Variants in HACE1 observed in about 807,000 individuals in gnomAD.
HACE1 encodes HECT domain and ankyrin repeat containing E3 ubiquitin protein ligase 1, also known as E3 ubiquitin-protein ligase HACE1.
A neutral mutation model predicts 118.4 loss-of-function variants in HACE1; 73 were observed. The observed-to-expected ratio is 0.62, with a 90% CI of 0.51 to 0.75. The LOEUF (loss-of-function observed/expected upper bound fraction) is 0.75. Among genes scored for constraint, HACE1 ranks in the 30% least tolerant of loss-of-function variants. The pLI is 0.00. For missense variants in HACE1, 749 were observed against 1,102.2 expected (o/e 0.68, Z 4.54); for synonymous variants, 368 against 374.8 (o/e 0.98, Z 0.21).
At chr6:104,796,465 G>A (rs1021859276) in intron 9 of HACE1, among the ~76,000 whole-genome samples, 190 bp downstream of exon 9, 2 of 152,052 alleles carry the variant, frequency 1.3e-5, no homozygotes, top group Non-Finnish European at 2.9e-5. Flanking sequence ...GATTTATATG[G>A]CCAAATATTA....
At chr6:104,739,563 A>G (rs374211128) in intron 22 of HACE1, among the ~76,000 whole-genome samples, 17 of 152,080 alleles carry the variant, frequency 1.1e-4, no homozygotes, top group African/African-American at 3.6e-4. Flanking sequence ...ATCAAAAGAG[A>G]CAAAGAAGGC....
At chr6:104,807,698 CA>C (rs1261784043) in intron 7 of HACE1, among the ~76,000 whole-genome samples, 1 of 151,426 alleles carries the variant, frequency 6.6e-6, no homozygotes, top group Non-Finnish European at 1.5e-5. Context: ...GTAAAGATGG[CA>C]GGGGGAAAAA....
At chr6:104,778,806 C>A in intron 14 of HACE1, among the ~76,000 whole-genome samples, 1 of 151,186 alleles carries the variant, frequency 6.6e-6, no homozygotes, top group African/African-American at 2.4e-5. Context: ...GAGACCTTAT[C>A]TCTACAAAAA....
At chr6:104,771,080 T>A in intron 19 of HACE1, 113 bp downstream of exon 19, 1 of 749,582 alleles carries the variant, frequency 1.3e-6, no homozygotes, top group South Asian at 1.5e-5. Flanking sequence ...TTATCTGCTA[T>A]GATACTGTAA....
intron 6 of HACE1, among the ~76,000 whole-genome samples, chr6:104,821,161 G>A (rs1772671850): frequency 6.6e-6 from 1 of 152,092 alleles, no homozygotes; most frequent in South Asian, 2.1e-4. Context: ...ATACAGAGGG[G>A]AACAATATAC....
intron 2 of HACE1, 70 bp from the exon 3 acceptor site, chr6:104,851,066 A>C: frequency 1.2e-6 from 1 of 865,896 alleles, no homozygotes; most frequent in Non-Finnish European, 2.0e-6. Flanking sequence ...TCAAGTTAAC[A>C]ACTCTTTAGC....
Position 104,839,315 on chromosome 6 carries a change from C to T in HACE1, c.402+3908G>A, listed in dbSNP as rs1562486211. Among the ~76,000 whole-genome samples the T allele has an allele frequency of 2.0e-5, 3 of 152,272 alleles. No homozygotes were observed. The East Asian group carries it at 5.8e-4, about 29-fold the overall frequency. On this transcript the variant is annotated intron_variant, in intron 5 of 23. Coordinates refer to ENST00000262903, the MANE Select transcript of HACE1 (RefSeq NM_020771.4). ...AACAGTCCAACAAATGGTGGTATATCCACTACTGGATGGAATACTATTCAG... is the reference window on the plus strand; with the variant it reads ...AACAGTCCAACAAATGGTGGTATATTCACTACTGGATGGAATACTATTCAG...
chr6:104,827,266 T>C (rs1773432367), intron 6 of HACE1, among the ~76,000 whole-genome samples: 1 of 152,122 alleles, frequency 6.6e-6, no homozygotes, highest in African/African-American at 2.4e-5. Flanking sequence ...AAAATCAAAG[T>C]TGTGGTATTA....
At chr6:104,802,464 GAAGTA>G (rs1770487845) in intron 7 of HACE1, among the ~76,000 whole-genome samples, 1 of 152,088 alleles carries the variant, frequency 6.6e-6, no homozygotes, top group African/African-American at 2.4e-5. Context: ...CACATAATTC[GAAGTA>G]AAGCACTCCT....
At chr6:104,857,320 C>T (rs1200868222) in intron 1 of HACE1, among the ~76,000 whole-genome samples, 2 of 151,260 alleles carry the variant, frequency 1.3e-5, no homozygotes, top group South Asian at 2.1e-4. Flanking sequence ...ACAAAATGAA[C>T]ATTATAATCA....
chr6:104,746,063 A>T (rs1234319916), intron 20 of HACE1, among the ~76,000 whole-genome samples: 1 of 152,214 alleles, frequency 6.6e-6, no homozygotes, highest in African/African-American at 2.4e-5. Flanking sequence ...ACTGTTAAAC[A>T]GTACCAGTCT....
chr6:104,859,544 C>G (rs752962055), intron 1 of HACE1, 23 bp downstream of exon 1: 33 of 1,504,262 alleles, frequency 2.2e-5, no homozygotes, highest in African/African-American at 2.9e-5. Flanking sequence ...CCGCGGCCAG[C>G]CTGGCCCCGC....
intron 1 of HACE1, among the ~76,000 whole-genome samples, chr6:104,856,680 C>G (rs1776752297): frequency 6.6e-6 from 1 of 152,166 alleles, no homozygotes; most frequent in Non-Finnish European, 1.5e-5. Flanking sequence ...GGTGATCCAC[C>G]CACGTCGGCC....
intron 6 of HACE1, among the ~76,000 whole-genome samples, chr6:104,811,851 C>T (rs1170810240): frequency 1.3e-5 from 2 of 152,130 alleles, no homozygotes; most frequent in East Asian, 1.9e-4. Flanking sequence ...TTTTTCACCT[C>T]TAAAAAACTA....
At chr6:104,842,156 T>G (rs1432765205) in intron 5 of HACE1, among the ~76,000 whole-genome samples, 1 of 152,052 alleles carries the variant, frequency 6.6e-6, no homozygotes, top group Admixed American at 6.6e-5. Flanking sequence ...AAATATAAAA[T>G]ATACTAGCCA....
In HACE1 at chr6:104,785,201, T is replaced by C. The variant is rs1782221720; in HGVS notation, c.1193A>G (p.Gln398Arg). 5.6e-6 allele frequency: 9 copies of C among 1,613,816 alleles called. No homozygotes were observed. The South Asian group carries it at 8.8e-5, about 16-fold the overall frequency. Reference protein sequence around the residue: ...ITSILLKQKGQDQDAASIPPF... With the variant: ...ITSILLKQKGRDQDAASIPPF... ...AGGAATGGAAGCAGCATCTTGATCT[T>C]GGCCTTTTTGTTTCAGTAAAATAGA... The change falls in exon 12 of 24, where the codon CAA (glutamine) becomes CGA (arginine). Residue 398 changes from glutamine to arginine, a missense_variant. This residue lies in a region of HACE1 where 267 missense variants were observed against 312.2 expected (regional missense o/e 0.86). Coordinates refer to ENST00000262903, the MANE Select transcript of HACE1 (RefSeq NM_020771.4).
chr6:104,760,867 A>G (rs892247197), intron 19 of HACE1, among the ~76,000 whole-genome samples: 5 of 152,220 alleles, frequency 3.3e-5, no homozygotes, highest in Non-Finnish European at 7.3e-5. Flanking sequence ...TACAAAATCA[A>G]TGTGCAAAAA....
chr6:104,779,209 C>A (rs1294937323), intron 14 of HACE1, among the ~76,000 whole-genome samples: 1 of 152,096 alleles, frequency 6.6e-6, no homozygotes, highest in East Asian at 1.9e-4. Flanking sequence ...TGGTGCAATA[C>A]CATCACAAAA....
In HACE1 at chr6:104,843,253, G is replaced by T; in HGVS notation, c.372C>A (p.Val124=). 1 of 1,546,350 alleles carries T rather than the reference G, an allele frequency of 6.5e-7. No homozygotes were observed. Residue 124 remains valine, a synonymous_variant, in exon 5 of 24, where the codon GTC becomes GTA. Coordinates refer to ENST00000262903, the MANE Select transcript of HACE1 (RefSeq NM_020771.4). Reference sequence around the variant, plus strand: ...TAAGGCCTTCATTATTACAAATGTTGACATCAGCGCTATATTCTAATAATT... The same window carrying T: ...TAAGGCCTTCATTATTACAAATGTTTACATCAGCGCTATATTCTAATAATT... ...MSKLLEYSAD[V]NICNNEGLTA... is the part of the protein sequence containing the mutation.
Sources: gnomAD v4.1 joint callset for allele counts (sites outside exome capture counted in the v4.1 genomes callset) on GRCh38, gnomAD v4.1.1 for gene constraint, gnomAD v4.1.1 regional missense constraint, MANE v1.5 for transcripts, NCBI Gene and HGNC (gene_info 2026-07-23, HGNC 2026-07-21) for gene names.